Variants in CSPG4 observed in about 807,000 individuals in gnomAD.
CSPG4 encodes chondroitin sulfate proteoglycan 4, also known as chondroitin sulfate proteoglycan 4 (melanoma-associated).
CSPG4 carries 74 observed loss-of-function variants against 139.3 expected under a neutral mutation model. That is an observed-to-expected ratio of 0.53 (90% CI 0.44 to 0.64). The LOEUF (loss-of-function observed/expected upper bound fraction) is 0.64. CSPG4 is among the 30% of genes least tolerant of loss of function. The pLI is 0.00. For missense variants in CSPG4, 2,565 were observed against 3,148.3 expected (o/e 0.81, Z 4.43); for synonymous variants, 1,234 against 1,394.2 (o/e 0.89, Z 2.56).
At chr15:75,677,629 G>A in intron 9 of CSPG4, 74 bp downstream of exon 9, 2 of 1,477,130 alleles carry the variant, frequency 1.4e-6, no homozygotes, top group Non-Finnish European at 1.8e-6. Flanking sequence ...GCTGACCCTG[G>A]CCTCGTGTCC....
At position 75,676,534 on chromosome 15, in the gene CSPG4, C is replaced by T; in HGVS notation, c.5985G>A (p.Arg1995=). 6.2e-7 allele frequency: 1 copy of T among 1,613,746 alleles called. No individual in the cohort carries two copies. The highest frequency in any genetic ancestry group is 8.5e-7 in the Non-Finnish European group (1 of 1,179,990). ...GGAATTGGCTGAAGGCCGAGGTGGG[C>T]CGCCCGCCCACCAGGAGATGCCCAT... ...PQYGHLLVGG[R]PTSAFSQFQI... is the part of the protein sequence containing the mutation. The change falls in exon 10 of 10, where the codon CGG becomes CGA. Residue 1995 remains arginine, a synonymous_variant. Transcript: ENST00000308508.
In CSPG4 at chr15:75,677,142, T is replaced by C. The variant is rs1893905619; in HGVS notation, c.5377A>G (p.Thr1793Ala). Residue 1793 changes from threonine (T) to alanine (A), a missense_variant, in exon 10 of 10, where the codon ACC (threonine) becomes GCC (alanine). Transcript: ENST00000308508. The stretch of plus-strand genomic sequence containing the variant: ...CGAAAGTGGAAGCCATCCTGCTGGG[T>C]GCCCCCACCGCCGTGGGCATACACT... ...QLVYAHGGGG[T>A]QQDGFHFRAH... 1 of 1,419,984 alleles carries C rather than the reference T, an allele frequency of 7.0e-7. No individual in the cohort carries two copies. The highest frequency in any genetic ancestry group is 2.6e-5 in the East Asian group (1 of 38,918). The allele number at this position is 1,419,984 out of a possible 1,614,324, so 88.0% of individuals were successfully genotyped here. A position where few individuals can be genotyped will look rare whatever the true frequency, so the allele number is the denominator to read the frequency against.
At chr15:75,703,384 G>A (rs1400948890) in intron 1 of CSPG4, among the ~76,000 whole-genome samples, 1 of 151,898 alleles carries the variant, frequency 6.6e-6, no homozygotes, top group African/African-American at 2.4e-5. Flanking sequence ...GGAGACTGAA[G>A]TGTGGCTTCC....
chr15:75,708,651 G>A (rs901168694), intron 1 of CSPG4, among the ~76,000 whole-genome samples: 20 of 152,208 alleles, frequency 1.3e-4, no homozygotes, highest in African/African-American at 4.6e-4. Flanking sequence ...TGGGGTGAGT[G>A]AGAACACCAC....
chr15:75,698,375 C>G lies in CSPG4; in HGVS notation c.89-5142G>C, dbSNP rs1169506492. Among the ~76,000 whole-genome samples the G allele has an allele frequency of 6.6e-6, 1 of 151,830 alleles. No homozygotes were observed. Among genetic ancestry groups the G allele is most frequent in the African/African-American group, 2.4e-5 (1 of 41,260 alleles). On this transcript the variant is annotated intron_variant, in intron 1 of 9. Coordinates refer to ENST00000308508, the MANE Select transcript of CSPG4 (RefSeq NM_001897.5). This position sits in a 1 kb window ranked among gnomAD's most constrained non-coding sequence, Gnocchi z 4.3. ...GGGCTGAATGCCGGCTCTGTGAGAGCATGGACGGGCCAGGTGTGCTTCCCC... is the reference window on the plus strand; with the variant it reads ...GGGCTGAATGCCGGCTCTGTGAGAGGATGGACGGGCCAGGTGTGCTTCCCC...
Position 75,677,348 on chromosome 15 carries a change from G to A in CSPG4, c.5171C>T (p.Thr1724Ile). The change falls in exon 10 of 10, where the codon ACC becomes ATC. Residue 1724 changes from threonine to isoleucine, a missense_variant. Around this residue, in one of 5 missense-constraint regions of CSPG4, gnomAD observed 2,316 missense variants for 2,818.2 expected, o/e 0.82. Transcript: ENST00000308508. Reference sequence around the variant, plus strand: ...ATTGGAGGCATCCAGAGCAGCCACGGTGATCCTGGCCCGCTGGCCCTCGGG... The same window carrying A: ...ATTGGAGGCATCCAGAGCAGCCACGATGATCCTGGCCCGCTGGCCCTCGGG... ...WVPEGQRARITVAALDASNLL... is the reference protein window; with the variant it reads ...WVPEGQRARIIVAALDASNLL... The A allele has an allele frequency of 5.7e-6, 8 of 1,407,848 alleles. No individual in the cohort carries two copies. Among genetic ancestry groups the A allele is most frequent in the Non-Finnish European group, 7.4e-6 (8 of 1,077,722 alleles). 87.2% of individuals were successfully genotyped at this position (1,407,848 alleles called of 1,614,324 possible). A position where few individuals can be genotyped will look rare whatever the true frequency, so the allele number is the denominator to read the frequency against.
chr15:75,680,786 A>G (rs1461414972), intron 8 of CSPG4: 3 of 153,318 alleles, frequency 2.0e-5, no homozygotes, highest in South Asian at 4.1e-4. Flanking sequence ...AAATGGGGAC[A>G]CCTGACCCCT....
intron 5 of CSPG4, among the ~76,000 whole-genome samples, chr15:75,683,544 G>A (rs1894009593): frequency 6.6e-6 from 1 of 152,206 alleles, no homozygotes; most frequent in Non-Finnish European, 1.5e-5. Flanking sequence ...AGAGTGGGGG[G>A]CTGATGGTTG....
chr15:75,684,516 A>G (rs758405623), intron 5 of CSPG4, among the ~76,000 whole-genome samples: 3 of 152,228 alleles, frequency 2.0e-5, no homozygotes, highest in Non-Finnish European at 2.9e-5. Flanking sequence ...TCTGCCTACC[A>G]TACTTGCAAA....
At chr15:75,681,353 C>G (rs1429964934) in intron 8 of CSPG4, among the ~76,000 whole-genome samples, 2 of 151,812 alleles carry the variant, frequency 1.3e-5, no homozygotes, top group Non-Finnish European at 2.9e-5. Flanking sequence ...GAGTCCCTGC[C>G]GAGCTAGGAA....
rs1894058205 is a variant in CSPG4, at chr15:75,686,403, G to A, written c.3790-702C>T. Among the ~76,000 whole-genome samples, 3 of 152,168 alleles carry A rather than the reference G, an allele frequency of 2.0e-5. No homozygotes were observed. In the South Asian group the frequency reaches 6.2e-4, roughly 31 times the overall value. On this transcript the variant is annotated intron_variant, in intron 3 of 9. Coordinates refer to ENST00000308508, the MANE Select transcript of CSPG4 (RefSeq NM_001897.5). ...GAGGGCGCCCCGCCCCACCCCTCCTGGAGGCACAGCCGCCTTCAGCTCAGG... is the reference window on the plus strand; with the variant it reads ...GAGGGCGCCCCGCCCCACCCCTCCTAGAGGCACAGCCGCCTTCAGCTCAGG...
chr15:75,686,407 G>A (rs1437869642), intron 3 of CSPG4, among the ~76,000 whole-genome samples: 1 of 152,196 alleles, frequency 6.6e-6, no homozygotes, highest in Non-Finnish European at 1.5e-5. Context: ...CCTCCTGGAG[G>A]CACAGCCGCC....
chr15:75,699,059 C>A (rs1894266750), intron 1 of CSPG4, among the ~76,000 whole-genome samples: 1 of 152,200 alleles, frequency 6.6e-6, no homozygotes, highest in Admixed American at 6.5e-5. Flanking sequence ...CCACCCAGGG[C>A]CATCCCCGCG....
intron 1 of CSPG4, among the ~76,000 whole-genome samples, chr15:75,705,395 C>T (rs1233990680): frequency 6.6e-6 from 1 of 152,234 alleles, no homozygotes; most frequent in Non-Finnish European, 1.5e-5. Context: ...GCAGAAGTCC[C>T]CATGTTGCCG....
chr15:75,707,510 G>A (rs1596014703), intron 1 of CSPG4, among the ~76,000 whole-genome samples: 1 of 152,186 alleles, frequency 6.6e-6, no homozygotes, highest in East Asian at 1.9e-4. Flanking sequence ...TGTGGAGTGA[G>A]GGCCAGCAGG....
In CSPG4 at chr15:75,675,896, G is replaced by C; in HGVS notation, c.6623C>G (p.Ala2208Gly). The part of the protein sequence containing the change: ...PGPMASSPEP[A>G]VAKGGFLSFL... ...GCTCAGGAAGCCTCCCTTGGCCACAGCGGGCTCAGGGCTGGATGCCATGGG... is the reference window on the plus strand; with the variant it reads ...GCTCAGGAAGCCTCCCTTGGCCACACCGGGCTCAGGGCTGGATGCCATGGG... Residue 2208 changes from alanine to glycine, a missense_variant, in exon 10 of 10, where the codon GCT becomes GGT. Transcript: ENST00000308508. 3.7e-6 allele frequency: 6 copies of C among 1,604,162 alleles called. No individual in the cohort carries two copies. The highest frequency in any genetic ancestry group is 5.1e-6 in the Non-Finnish European group (6 of 1,179,868).
In CSPG4 at chr15:75,677,906, G is replaced by T. The variant is rs1444495188; in HGVS notation, c.4951-20C>A. 3.2e-6 allele frequency: 5 copies of T among 1,579,628 alleles called. No homozygotes were observed. The Admixed American group carries it at 9.4e-5, about 30-fold the overall frequency. ...GTAGACCTAGGGGAGACACCATCGT[G>T]GGGTGAGAGGCAGGTCCAGCCTGTG... On this transcript the variant is annotated intron_variant, in intron 8 of 9. Coordinates refer to ENST00000308508, the MANE Select transcript of CSPG4 (RefSeq NM_001897.5).
intron 1 of CSPG4, among the ~76,000 whole-genome samples, chr15:75,711,305 G>C (rs1199572352): frequency 6.7e-6 from 1 of 149,852 alleles, no homozygotes; most frequent in Admixed American, 6.7e-5. Flanking sequence ...GTGCCCCTGC[G>C]AGCCTAGCAC....
At chr15:75,705,043 C>G (rs1359619013) in intron 1 of CSPG4, among the ~76,000 whole-genome samples, 2 of 152,338 alleles carry the variant, frequency 1.3e-5, no homozygotes, top group African/African-American at 4.8e-5. Context: ...TCCTCACTCA[C>G]CTGCTCTGGG....
Sources: allele counts gnomAD v4.1 joint callset (sites outside exome capture counted in the v4.1 genomes callset), GRCh38; gene constraint gnomAD v4.1.1; regional missense constraint gnomAD v4.1.1; non-coding constraint Gnocchi (gnomAD v3.1); transcripts MANE v1.5; gene names NCBI Gene and HGNC (gene_info 2026-07-23, HGNC 2026-07-21).